Variants in SYN3 observed in about 807,000 individuals in gnomAD.
The protein encoded by SYN3 is synapsin-3.
Under a neutral mutation model 65.8 loss-of-function variants are expected in SYN3, and 35 were observed. The observed-to-expected ratio is 0.53, with a 90% CI of 0.41 to 0.70. SYN3 has a LOEUF of 0.70. Ranked by LOEUF, SYN3 falls within the 30% of genes least tolerant of loss-of-function variation. The pLI, the probability that SYN3 is intolerant of heterozygous loss-of-function variation, is 0.00. For synonymous variants in SYN3, 270 were observed against 292.9 expected, an observed-to-expected ratio of 0.92 and a Z score of 0.80; for missense variants, 680 against 749.0, an observed-to-expected ratio of 0.91 and a Z score of 1.08.
At chr22:32,774,871 G>A (rs922120516) in intron 6 of SYN3, among the ~76,000 whole-genome samples, 2 of 152,172 alleles carry the variant, frequency 1.3e-5, no homozygotes, top group Non-Finnish European at 1.5e-5. Flanking sequence ...TTTTAAATGA[G>A]CAGAGTGTTT....
Position 32,869,690 on chromosome 22 carries a change from G to GTT in SYN3, c.462-567_462-566dup, listed in dbSNP as rs748620876. On this transcript the variant is annotated intron_variant, in intron 4 of 13. Coordinates refer to ENST00000358763, the MANE Select transcript of SYN3 (RefSeq NM_003490.4). Reference sequence around the variant, plus strand: ...ATCTCAAATCAACCAACACATCTTGGTTTTTTTTTTTTTTTTTTTTTTCAA... The same window carrying GTT: ...ATCTCAAATCAACCAACACATCTTGGTTTTTTTTTTTTTTTTTTTTTTTTCAA... Among the ~76,000 whole-genome samples the GTT allele has an allele frequency of 2.5e-3, 287 of 114,780 alleles. 1 individual carries two copies. The highest frequency in any genetic ancestry group is 7.1e-3 in the East Asian group (23 of 3,230). The allele number at this position is 114,780 out of a possible 152,430, so 75.3% of individuals were successfully genotyped here.
chr22:32,766,266 C>T (rs572021465), intron 6 of SYN3, among the ~76,000 whole-genome samples: 4 of 152,304 alleles, frequency 2.6e-5, no homozygotes, highest in African/African-American at 9.6e-5. Context: ...TGTGTATCTG[C>T]AGGCTTTCTT....
chr22:32,927,446 C>T (rs2050505422), intron 4 of SYN3, among the ~76,000 whole-genome samples: 1 of 151,698 alleles, frequency 6.6e-6, no homozygotes, highest in Non-Finnish European at 1.5e-5. Context: ...GATGGAGTTT[C>T]ACCATGTTGC....
At chr22:32,855,960 G>A (rs984341151) in intron 6 of SYN3, among the ~76,000 whole-genome samples, 1 of 152,028 alleles carries the variant, frequency 6.6e-6, no homozygotes, top group Non-Finnish European at 1.5e-5. Context: ...GCTTCATCTG[G>A]GATAAACGAA....
At chr22:32,726,860 A>G (rs945717260) in intron 6 of SYN3, among the ~76,000 whole-genome samples, 1 of 152,060 alleles carries the variant, frequency 6.6e-6, no homozygotes, top group Non-Finnish European at 1.5e-5. Context: ...CTATCCCACA[A>G]CCCATTCTCA....
chr22:32,877,214 T>C (rs1024388028), intron 4 of SYN3, among the ~76,000 whole-genome samples: 3 of 152,234 alleles, frequency 2.0e-5, no homozygotes, highest in Non-Finnish European at 2.9e-5. Flanking sequence ...TTCTGTGTCC[T>C]TACCTTACCC....
intron 7 of SYN3, among the ~76,000 whole-genome samples, chr22:32,586,541 A>G (rs1251133134): frequency 6.6e-6 from 1 of 152,160 alleles, no homozygotes; most frequent in Non-Finnish European, 1.5e-5. Flanking sequence ...GGCATTTTAA[A>G]CAGTGAAATC....
At chr22:32,928,160 C>T (rs1180647077) in intron 4 of SYN3, among the ~76,000 whole-genome samples, 1 of 152,100 alleles carries the variant, frequency 6.6e-6, no homozygotes, top group East Asian at 1.9e-4. Flanking sequence ...GAAACCCCGT[C>T]TGTACTAAAA....
intron 7 of SYN3, among the ~76,000 whole-genome samples, chr22:32,576,126 G>C (rs182528000): frequency 2.6e-5 from 4 of 152,208 alleles, no homozygotes; most frequent in Non-Finnish European, 4.4e-5. Flanking sequence ...TGGTTCTATC[G>C]ACATATAGAC....
At chr22:32,759,738 A>C (rs954600979) in intron 6 of SYN3, among the ~76,000 whole-genome samples, 1 of 42,960 alleles carries the variant, frequency 2.3e-5, no homozygotes, top group Non-Finnish European at 4.2e-5. Flanking sequence ...GCACCCACCC[A>C]CCCCCAGCCA....
intron 6 of SYN3, among the ~76,000 whole-genome samples, chr22:32,842,199 T>C (rs1194918676): frequency 2.0e-5 from 3 of 152,198 alleles, no homozygotes; most frequent in African/African-American, 7.2e-5. Context: ...ATGCCTGTTT[T>C]TCATTCCAGT....
intron 6 of SYN3, among the ~76,000 whole-genome samples, chr22:32,669,424 G>A (rs950047868): frequency 6.6e-6 from 1 of 151,188 alleles, no homozygotes; most frequent in Non-Finnish European, 1.5e-5. Flanking sequence ...CAACCTCCAA[G>A]TGAGGCTCAT....
chr22:33,018,779 A>T (rs2053514096), intron 1 of SYN3, among the ~76,000 whole-genome samples: 1 of 152,116 alleles, frequency 6.6e-6, no homozygotes, highest in Non-Finnish European at 1.5e-5. Context: ...TCACCCTCAG[A>T]TGAGTTTATG....
intron 7 of SYN3, among the ~76,000 whole-genome samples, chr22:32,574,024 C>T (rs978732903): frequency 7.3e-5 from 11 of 151,518 alleles, no homozygotes; most frequent in South Asian, 2.1e-4. Context: ...GCAATCCTCC[C>T]GCCTCGGCCC....
At position 32,528,939 on chromosome 22, in the gene SYN3, C is replaced by T; in HGVS notation, c.1165G>A (p.Val389Ile). 2 of 1,614,110 alleles carry T rather than the reference C, an allele frequency of 1.2e-6. No homozygotes were observed. Among genetic ancestry groups the T allele is most frequent in the Non-Finnish European group, 1.7e-6 (2 of 1,180,040 alleles). The change falls in exon 11 of 14, where the codon GTT becomes ATT. Residue 389 changes from valine to isoleucine, a missense_variant. Coordinates refer to ENST00000358763, the MANE Select transcript of SYN3 (RefSeq NM_003490.4). ...GGGAGCTGGCTCATTTTGGAGACAA[C>T]AAGGTCGGCCATCAGCTGTCTGTCC... ...EEDRQLMADL[V>I]VSKMSQLPMP...
At chr22:33,046,498 T>C (rs2054066937) in intron 1 of SYN3, among the ~76,000 whole-genome samples, 1 of 151,956 alleles carries the variant, frequency 6.6e-6, no homozygotes, top group South Asian at 2.1e-4. Context: ...GGCAGGCGGA[T>C]CACAAGGTCA....
At chr22:32,869,900 C>T (rs1034770563) in intron 4 of SYN3, among the ~76,000 whole-genome samples, 3 of 151,886 alleles carry the variant, frequency 2.0e-5, no homozygotes, top group Non-Finnish European at 2.9e-5. Flanking sequence ...ATGAACTTTC[C>T]GAATCACAAA....
chr22:33,017,632 G>A (rs1235545388), intron 1 of SYN3, among the ~76,000 whole-genome samples: 1 of 152,064 alleles, frequency 6.6e-6, no homozygotes, highest in Non-Finnish European at 1.5e-5. Flanking sequence ...TGGTGCTATT[G>A]TGAATGAAAT....
intron 8 of SYN3, among the ~76,000 whole-genome samples, chr22:32,538,724 A>G (rs1441207471): frequency 2.3e-5 from 2 of 87,072 alleles, no homozygotes; most frequent in Admixed American, 1.2e-4. Context: ...AGTCCTGCTC[A>G]TCCTTCAGGT....
Sources: allele counts gnomAD v4.1 joint callset (sites outside exome capture counted in the v4.1 genomes callset), GRCh38; gene constraint gnomAD v4.1.1; transcripts MANE v1.5; gene names NCBI Gene and HGNC (gene_info 2026-07-23, HGNC 2026-07-21).